Variants in ACMSD observed in about 807,000 individuals in gnomAD.
ACMSD encodes the protein aminocarboxymuconate semialdehyde decarboxylase.
ACMSD carries 37 observed loss-of-function variants against 45.9 expected under a neutral mutation model. The ratio of observed to expected loss-of-function variants is 0.81; its 90% CI spans 0.62 to 1.06. ACMSD has a LOEUF of 1.06. Among genes scored for constraint, ACMSD ranks in the 50% least tolerant of loss-of-function variants. The pLI is 0.00. For missense variants in ACMSD, 434 were observed against 420.9 expected, an observed-to-expected ratio of 1.03 and a Z score of -0.27; for synonymous variants, 138 against 148.8, an observed-to-expected ratio of 0.93 and a Z score of 0.53.
intron 2 of ACMSD, among the ~76,000 whole-genome samples, chr2:134,846,578 AT>A (rs1687059980): frequency 6.6e-6 from 1 of 151,868 alleles, no homozygotes; most frequent in Non-Finnish European, 1.5e-5. Flanking sequence ...TCATTATTTT[AT>A]TTTATTTTTT....
chr2:134,890,969 A>G (rs1438941967), intron 8 of ACMSD, among the ~76,000 whole-genome samples: 1 of 151,976 alleles, frequency 6.6e-6, no homozygotes, highest in African/African-American at 2.4e-5. Flanking sequence ...TCAATTTTTA[A>G]TGGGGTTATT....
In ACMSD at chr2:134,897,261, T is replaced by C. The variant is rs555865757; in HGVS notation, c.850-1080T>C. Among the ~76,000 whole-genome samples, 25 of 152,278 alleles carry C rather than the reference T, an allele frequency of 1.6e-4. No homozygotes were observed. In the South Asian group the frequency reaches 1.9e-3, roughly 11 times the overall value. On this transcript the variant is annotated intron_variant, in intron 8 of 9. Transcript: ENST00000356140. ...CCATTCCTGAAATAGACTGTATATA[T>C]ACAAACATATATTTGTGGGTCTATA...
intron 5 of ACMSD, 94 bp downstream of exon 5, chr2:134,863,725 C>G: frequency 1.5e-6 from 2 of 1,293,916 alleles, no homozygotes; most frequent in Admixed American, 3.7e-5. Flanking sequence ...AAGCGTCACC[C>G]CACTGGGAGG....
chr2:134,878,571 C>T (rs1333416718), intron 8 of ACMSD, among the ~76,000 whole-genome samples: 4 of 152,166 alleles, frequency 2.6e-5, no homozygotes, highest in Non-Finnish European at 4.4e-5. Flanking sequence ...AAGTGATCCA[C>T]CCACCTCAGC....
Position 134,895,520 on chromosome 2 carries a change from CT to C in ACMSD, c.850-2811del, listed in dbSNP as rs1004670281. Among the ~76,000 whole-genome samples, 565 of 146,128 alleles carry C rather than the reference CT, an allele frequency of 3.9e-3. 4 individuals carry two copies. The highest frequency in any genetic ancestry group is 0.012 in the African/African-American group (479 of 40,044). On this transcript the variant is annotated intron_variant, in intron 8 of 9. Coordinates refer to ENST00000356140, the MANE Select transcript of ACMSD (RefSeq NM_138326.3). ...CAATTGCTATCAAAATTCCAGATGT[CT>C]TTTTTTTTTGGCAAAAATTGATAAG...
intron 6 of ACMSD, among the ~76,000 whole-genome samples, chr2:134,870,677 A>G (rs976393201): frequency 6.6e-6 from 1 of 152,210 alleles, no homozygotes; most frequent in Non-Finnish European, 1.5e-5. Flanking sequence ...GGCACACTCC[A>G]TCTGTCCCAC....
chr2:134,899,901 C>A (rs10176573), intron 9 of ACMSD, among the ~76,000 whole-genome samples: 88,591 of 151,874 alleles, frequency 0.58, 27,495 homozygotes, highest in Middle Eastern at 0.91. Flanking sequence ...GATCCAATAC[C>A]TCTTTTGTGA....
At chr2:134,843,914 A>T (rs1686928197) in intron 1 of ACMSD, among the ~76,000 whole-genome samples, 1 of 152,184 alleles carries the variant, frequency 6.6e-6, no homozygotes, top group African/African-American at 2.4e-5. Context: ...CCCCCAGAGC[A>T]CCTGTGCATC....
intron 2 of ACMSD, among the ~76,000 whole-genome samples, chr2:134,851,458 T>C (rs528769552): frequency 6.6e-6 from 1 of 152,278 alleles, no homozygotes; most frequent in East Asian, 1.9e-4. Flanking sequence ...CCTTTTCTTT[T>C]TTTTTTTAGG....
Position 134,882,588 on chromosome 2 carries a change from A to C in ACMSD, c.849+9947A>C, listed in dbSNP as rs80112672. On this transcript the variant is annotated intron_variant, in intron 8 of 9. Transcript: ENST00000356140. ...ATCTTGGGAATATAAAGCTAATTTT[A>C]CTTTGCATTGATTGAATTAAACCAG... Among the ~76,000 whole-genome samples the C allele has an allele frequency of 8.5e-3, 1,288 of 152,364 alleles. 17 individuals carry two copies. The highest frequency in any genetic ancestry group is 0.03 in the African/African-American group (1,229 of 41,586).
Position 134,863,474 on chromosome 2 carries a change from G to A in ACMSD, c.329G>A (p.Arg110Lys). ...LASTVVSYPR[R>K]FVGLGTLPMQ... is the part of the protein sequence containing the mutation. Reference sequence around the variant, plus strand: ...AGCACCGTTGTGAGCTACCCCAGGAGGTTCGTGGGTCTGGGGACGTTGCCC... The same window carrying A: ...AGCACCGTTGTGAGCTACCCCAGGAAGTTCGTGGGTCTGGGGACGTTGCCC... The change falls in exon 5 of 10, where the codon AGG (arginine) becomes AAG (lysine). Residue 110 changes from arginine (R) to lysine (K), a missense_variant. Physicochemically the swap from Arg to Lys is conservative, Grantham distance 26. Transcript: ENST00000356140. 1 of 1,614,262 alleles carries A rather than the reference G, an allele frequency of 6.2e-7. No individual in the cohort carries two copies. The highest frequency in any genetic ancestry group is 8.5e-7 in the Non-Finnish European group (1 of 1,180,054).
chr2:134,843,658 T>C (rs953600239), intron 1 of ACMSD, among the ~76,000 whole-genome samples: 5 of 152,148 alleles, frequency 3.3e-5, no homozygotes, highest in Non-Finnish European at 7.4e-5. Flanking sequence ...GAGGTTGAGT[T>C]GATGTTCAGT....
At chr2:134,874,866 G>C (rs938071740) in intron 8 of ACMSD, among the ~76,000 whole-genome samples, 1 of 152,124 alleles carries the variant, frequency 6.6e-6, no homozygotes, top group African/African-American at 2.4e-5. Flanking sequence ...AATTCTCAAT[G>C]ATCATAATGG....
At chr2:134,849,353 A>C (rs1687222964) in intron 2 of ACMSD, among the ~76,000 whole-genome samples, 1 of 152,224 alleles carries the variant, frequency 6.6e-6, no homozygotes, top group African/African-American at 2.4e-5. Context: ...AAAACAAAAC[A>C]AAGCAAACCA....
chr2:134,893,424 G>C (rs1053606165), intron 8 of ACMSD, among the ~76,000 whole-genome samples: 1 of 152,110 alleles, frequency 6.6e-6, no homozygotes, highest in African/African-American at 2.4e-5. Flanking sequence ...CTGAGCTCAA[G>C]TGATCCTCCT....
chr2:134,839,978 A>G (rs373680818), intron 1 of ACMSD, among the ~76,000 whole-genome samples: 4 of 152,006 alleles, frequency 2.6e-5, no homozygotes, highest in East Asian at 3.9e-4. Context: ...AGTTTCTTAC[A>G]TCTTATGGCG....
At chr2:134,865,312 A>G (rs980262272) in intron 5 of ACMSD, among the ~76,000 whole-genome samples, 2 of 152,232 alleles carry the variant, frequency 1.3e-5, no homozygotes, top group African/African-American at 4.8e-5. Context: ...TGAGCTTTGA[A>G]AGAGGATTTA....
At chr2:134,839,861 T>C (rs1686702868) in intron 1 of ACMSD, among the ~76,000 whole-genome samples, 1 of 152,148 alleles carries the variant, frequency 6.6e-6, no homozygotes, top group Non-Finnish European at 1.5e-5. Flanking sequence ...GTTGTCCTCA[T>C]CATAGTTTAC....
intron 8 of ACMSD, among the ~76,000 whole-genome samples, chr2:134,892,462 A>T (rs1314082283): frequency 5.4e-5 from 8 of 148,358 alleles, no homozygotes; most frequent in South Asian, 2.2e-4. Flanking sequence ...TGCTGTGGAA[A>T]AAATAAATAA....
Sources: allele counts gnomAD v4.1 joint callset (sites outside exome capture counted in the v4.1 genomes callset), GRCh38; gene constraint gnomAD v4.1.1; transcripts MANE v1.5; gene names NCBI Gene and HGNC (gene_info 2026-07-23, HGNC 2026-07-21).